WDR18: variants seen among roughly 807,000 people sequenced by gnomAD.
The protein encoded by WDR18 is WD repeat domain 18.
WDR18 carries 33 observed loss-of-function variants against 49.6 expected under a neutral mutation model. The ratio of observed to expected loss-of-function variants is 0.67; its 90% confidence interval spans 0.50 to 0.89. WDR18 has a LOEUF of 0.89. WDR18 is among the 40% of genes least tolerant of loss of function. The pLI, the probability that WDR18 is intolerant of heterozygous loss-of-function variation, is 0.00. For synonymous variants in WDR18, 315 were observed against 263.6 expected (o/e 1.19, Z -1.89); for missense variants, 653 against 593.6 (o/e 1.10, Z -1.04).
In WDR18 at chr19:991,843, TGGGGCGGGGACTGGCTG is replaced by T. The variant is rs1187313314; in HGVS notation, c.932-98_932-82del. On this transcript the variant is annotated intron_variant, in intron 7 of 9. Transcript: ENST00000585809. ...CCTGGCTGGGGGCGTGGACTGGCTG[TGGGGCGGGGACTGGCTG>T]GGGGCGGGGACTGCCCTGGATGGGG... is the stretch of plus-strand genomic sequence containing the variant. 39 of 960,486 alleles carry T rather than the reference TGGGGCGGGGACTGGCTG, an allele frequency of 4.1e-5. No homozygotes were observed. In the African/African-American group the frequency reaches 4.5e-4, roughly 11 times the overall value. The allele number at this position is 960,486 out of a possible 1,614,324, so 59.5% of individuals were successfully genotyped here.
chr19:991,669 G>A (rs1471239427), intron 7 of WDR18, among the ~76,000 whole-genome samples: 1 of 91,190 alleles, frequency 1.1e-5, no homozygotes, highest in Non-Finnish European at 2.2e-5. Flanking sequence ...GGCGGGGCCT[G>A]GCTGGGGGCG....
intron 3 of WDR18, 120 bp from the exon 4 acceptor site, chr19:990,103 G>T (rs1478758841): frequency 4.3e-5 from 60 of 1,399,762 alleles, no homozygotes; most frequent in Non-Finnish European, 5.4e-5. Flanking sequence ...AGTTTACTCA[G>T]GTGAGGCAGG....
chr19:992,209 G>A lies in WDR18; in HGVS notation c.1098+88G>A, dbSNP rs892666107. 9.5e-6 allele frequency: 13 copies of A among 1,366,060 alleles called. No homozygotes were observed. In the African/African-American group the frequency reaches 1.2e-4, roughly 13 times the overall value. The allele number at this position is 1,366,060 out of a possible 1,614,324, so 84.6% of individuals were successfully genotyped here. On this transcript the variant is annotated intron_variant, in intron 8 of 9. Coordinates refer to ENST00000585809, the MANE Select transcript of WDR18 (RefSeq NM_024100.4). ...GCTCCTTCGCTCCCTTGGTCCTGGC[G>A]CCCGTGCGGCGGTTCCCCACAAGCC...
intron 8 of WDR18, 45 bp from the exon 9 acceptor site, chr19:993,975 T>C: frequency 6.5e-7 from 1 of 1,544,694 alleles, no homozygotes; most frequent in East Asian, 2.4e-5. Context: ...GCGTGTGGTG[T>C]GTGACAGGAC....
Position 990,226 on chromosome 19 carries a change from G to A in WDR18, c.459G>A (p.Val153=). The A allele has an allele frequency of 6.3e-7, 1 of 1,597,232 alleles. No homozygotes were observed. The highest frequency in any genetic ancestry group is 8.5e-7 in the Non-Finnish European group (1 of 1,178,772). Reference sequence around the variant, plus strand: ...GCACCTGCCCCACCCCGCTCAGCGTGCTGCAGGCCGACCCCTCCAGGATTC... The same window carrying A: ...GCACCTGCCCCACCCCGCTCAGCGTACTGCAGGCCGACCCCTCCAGGATTC... ...CLVLVWSLCS[V]LQADPSRIPA... Residue 153 remains valine, a synonymous_variant, in exon 4 of 10, where the codon GTG becomes GTA. Coordinates refer to ENST00000585809, the MANE Select transcript of WDR18 (RefSeq NM_024100.4).
intron 2 of WDR18, 91 bp from the exon 3 acceptor site, chr19:989,671 G>A: frequency 1.3e-6 from 2 of 1,555,842 alleles, no homozygotes; most frequent in Non-Finnish European, 1.7e-6. Flanking sequence ...TGTGGCCATG[G>A]CCGTGCAGTG....
intron 8 of WDR18, among the ~76,000 whole-genome samples, 155 bp downstream of exon 8, chr19:992,276 C>T (rs1242133024): frequency 6.6e-6 from 1 of 152,136 alleles, no homozygotes; most frequent in Non-Finnish European, 1.5e-5. Flanking sequence ...TGGTGATGCT[C>T]GGTGGGGCCT....
chr19:994,335 G>A lies in WDR18; in HGVS notation c.1290G>A (p.Pro430=), dbSNP rs770734755. The change falls in exon 10 of 10, where the codon CCG becomes CCA. Residue 430 remains proline, a synonymous_variant. Transcript: ENST00000585809. Reference sequence around the variant, plus strand: ...TCTCCACGCGCTTCATCACGCGGCCGGCCAAGTGAGGCCCGGAGACCCCGG... The same window carrying A: ...TCTCCACGCGCTTCATCACGCGGCCAGCCAAGTGAGGCCCGGAGACCCCGG... ...FDFSTRFITR[P]AK is the part of the protein sequence containing the mutation. 1.4e-5 allele frequency: 22 copies of A among 1,608,640 alleles called. No individual in the cohort carries two copies. Among genetic ancestry groups the A allele is most frequent in the African/African-American group, 2.7e-5 (2 of 74,978 alleles).
intron 2 of WDR18, among the ~76,000 whole-genome samples, chr19:987,207 G>T (rs1002818026): frequency 3.3e-5 from 5 of 152,160 alleles, no homozygotes; most frequent in Non-Finnish European, 7.4e-5. Flanking sequence ...GCTGGGCATG[G>T]TGGCATACAC....
At chr19:992,706 C>G (rs1171044805) in intron 8 of WDR18, among the ~76,000 whole-genome samples, 2 of 152,210 alleles carry the variant, frequency 1.3e-5, no homozygotes, top group African/African-American at 4.8e-5. Context: ...AGCCCCAAGA[C>G]CCTCATAGAA....
intron 8 of WDR18, 99 bp downstream of exon 8, chr19:992,220 G>A: frequency 2.2e-6 from 3 of 1,348,650 alleles, no homozygotes; most frequent in Non-Finnish European, 2.9e-6. Context: ...CCCGTGCGGC[G>A]GTTCCCCACA....
At chr19:984,286 G>T (rs1470662189), upstream of WDR18, 5 of 1,435,962 alleles carry the variant, frequency 3.5e-6, no homozygotes, top group Non-Finnish European at 3.7e-6. Flanking sequence ...CGCCGCTCTG[G>T]CCCGCGTGGG....
chr19:991,818 C>A (rs1410018924), intron 7 of WDR18, 137 bp from the exon 8 acceptor site: 3 of 943,030 alleles, frequency 3.2e-6, no homozygotes, highest in East Asian at 3.7e-5. Flanking sequence ...TGGGGCGGGG[C>A]CTGGCTGGGG....
At chr19:985,744 G>C in intron 1 of WDR18, 121 bp from the exon 2 acceptor site, 1 of 854,126 alleles carries the variant, frequency 1.2e-6, no homozygotes, top group Non-Finnish European at 1.9e-6. Flanking sequence ...CCCTGCTCCC[G>C]ACTCCTCTTC....
Position 994,508 on chromosome 19 carries a change from A to C in WDR18, c.*164A>C. ...CTGGGCCGTCTTGGTGTCTCGTGGC[A>C]CGCGTCACAGTGGTGCTAGTCTGTT... On this transcript the variant is annotated 3_prime_UTR_variant, in exon 10 of 10. Coordinates refer to ENST00000585809, the MANE Select transcript of WDR18 (RefSeq NM_024100.4). The C allele has an allele frequency of 9.9e-7, 1 of 1,008,460 alleles. No homozygotes were observed. Among genetic ancestry groups the C allele is most frequent in the Non-Finnish European group, 1.4e-6 (1 of 709,054 alleles). The allele number at this position is 1,008,460 out of a possible 1,614,324, so 62.5% of individuals were successfully genotyped here.
At chr19:991,584 A>G (rs1026396037) in intron 7 of WDR18, among the ~76,000 whole-genome samples, 15 of 24,988 alleles carry the variant, frequency 6.0e-4, no homozygotes, top group Admixed American at 1.1e-3. Flanking sequence ...CCTGGCTGGG[A>G]GCGTGAACTG....
rs1599448880 is a variant in WDR18, at chr19:992,385, C to T, written c.1098+264C>T. Among the ~76,000 whole-genome samples, 7 of 152,364 alleles carry T rather than the reference C, an allele frequency of 4.6e-5. 1 individual carries two copies. Among genetic ancestry groups the T allele is most frequent in the Admixed American group, 3.9e-4 (6 of 15,310 alleles). On this transcript the variant is annotated intron_variant, in intron 8 of 9. Transcript: ENST00000585809. ...GCTGCACGCCCCACACACCAGCCTT[C>T]CTGCGGCTGGATATCTGACAGTCAG...
intron 1 of WDR18, among the ~76,000 whole-genome samples, chr19:984,764 G>A (rs1379305336): frequency 6.6e-6 from 1 of 151,802 alleles, no homozygotes; most frequent in East Asian, 1.9e-4. Flanking sequence ...CTGCGCACGC[G>A]CGGGGCTCAG....
intron 8 of WDR18, among the ~76,000 whole-genome samples, chr19:993,707 C>G (rs1361320651): frequency 7.7e-6 from 1 of 130,508 alleles, no homozygotes; most frequent in African/African-American, 2.7e-5. Flanking sequence ...CCTGGGCTTG[C>G]GGGTCCTTCC....
Sources: gnomAD v4.1 joint callset for allele counts (sites outside exome capture counted in the v4.1 genomes callset) on GRCh38, gnomAD v4.1.1 for gene constraint, MANE v1.5 for transcripts, NCBI Gene and HGNC (gene_info 2026-07-23, HGNC 2026-07-21) for gene names.